The following ERAP2 variants were observed in gnomAD, a reference collection of about 807,000 sequenced individuals.
The protein encoded by ERAP2 is leukocyte-derived arginine aminopeptidase.
In ERAP2, 118 loss-of-function variants were observed where a neutral mutation model predicts 111.1. The ratio of observed to expected loss-of-function variants is 1.06; its 90% CI spans 0.92 to 1.24. ERAP2 has a LOEUF of 1.24. Among genes scored for constraint, ERAP2 ranks in the 50% most tolerant of loss-of-function variants. The pLI is 0.00. For missense variants in ERAP2, 1,131 were observed against 1,125.8 expected (o/e 1.00, Z -0.07); for synonymous variants, 410 against 401.2 (o/e 1.02, Z -0.26).
At chr5:96,898,572 C>CAAA (rs770783071) in intron 9 of ERAP2, among the ~76,000 whole-genome samples, 41,762 of 93,670 alleles carry the variant, frequency 0.45, 8,494 homozygotes, top group East Asian at 0.52. Context: ...TACTAAAATA[C>CAAA]AAAAAAAAAA....
intron 1 of ERAP2, among the ~76,000 whole-genome samples, chr5:96,877,704 C>T (rs768288704): frequency 1.1e-4 from 16 of 151,416 alleles, no homozygotes; most frequent in Non-Finnish European, 1.8e-4. Context: ...GATTCCAAAG[C>T]CTCAGACCCA....
At chr5:96,900,907 C>T (rs1396261740) in intron 10 of ERAP2, among the ~76,000 whole-genome samples, 2 of 152,074 alleles carry the variant, frequency 1.3e-5, no homozygotes, top group East Asian at 3.9e-4. Flanking sequence ...TCAGGCAATT[C>T]GCCCACCTTG....
At chr5:96,916,456 C>CTT (rs745860227) in intron 18 of ERAP2, among the ~76,000 whole-genome samples, 990 of 97,602 alleles carry the variant, frequency 0.01, 12 homozygotes, top group African/African-American at 0.018. Flanking sequence ...TTCTAGTTAT[C>CTT]TTTTTTTTTT....
At position 96,896,085 on chromosome 5, in the gene ERAP2, A is replaced by G. The variant is rs527467958; in HGVS notation, c.1240-288A>G. On this transcript the variant is annotated intron_variant, in intron 7 of 18. Coordinates refer to ENST00000437043, the MANE Select transcript of ERAP2 (RefSeq NM_022350.5). The stretch of plus-strand genomic sequence containing the variant: ...AGGTCTAGGCACGTAACAAGTATTC[A>G]CTAAATGGAAACCATTATTTTATTT... Among the ~76,000 whole-genome samples the G allele has an allele frequency of 5.4e-4, 83 of 152,314 alleles. No homozygotes were observed. The South Asian group carries it at 0.017, about 32-fold the overall frequency.
chr5:96,881,315 TG>T, intron 2 of ERAP2: 1 of 425,704 alleles, frequency 2.3e-6, no homozygotes, highest in Admixed American at 2.5e-5. Context: ...GCCAGGCTAG[TG>T]GCAGTGCTTA....
At chr5:96,892,082 C>T (rs187861975) in intron 5 of ERAP2, among the ~76,000 whole-genome samples, 153 of 152,298 alleles carry the variant, frequency 1.0e-3, no homozygotes, top group Non-Finnish European at 1.7e-3. Context: ...GTTACTTCAT[C>T]TACAAAACTC....
chr5:96,892,649 C>T (rs913127261), intron 6 of ERAP2, among the ~76,000 whole-genome samples, 196 bp downstream of exon 6: 3 of 152,108 alleles, frequency 2.0e-5, no homozygotes, highest in East Asian at 1.9e-4. Context: ...AATTTTATTA[C>T]GAGAAGTAGC....
In ERAP2 at chr5:96,879,738, T is replaced by C; in HGVS notation, c.53T>C (p.Ile18Thr). 1.2e-6 allele frequency: 2 copies of C among 1,614,208 alleles called. No individual in the cohort carries two copies. The highest frequency in any genetic ancestry group is 1.7e-6 in the Non-Finnish European group (2 of 1,180,018). Reference sequence around the variant, plus strand: ...TCACACAGAAAACCAATGTTTAACATTCACAGAGGATTTTACTGCTTAACA... The same window carrying C: ...TCACACAGAAAACCAATGTTTAACACTCACAGAGGATTTTACTGCTTAACA... The part of the protein sequence containing the change: ...VNSHRKPMFN[I>T]HRGFYCLTAI... Residue 18 changes from isoleucine to threonine, a missense_variant, in exon 2 of 19, where the codon ATT becomes ACT. This residue lies in a region of ERAP2 where 847 missense variants were observed against 856.5 expected (regional missense o/e 0.99). Coordinates refer to ENST00000437043, the MANE Select transcript of ERAP2 (RefSeq NM_022350.5).
chr5:96,891,922 A>T (rs1784431430), intron 5 of ERAP2, among the ~76,000 whole-genome samples: 2 of 152,160 alleles, frequency 1.3e-5, no homozygotes, highest in African/African-American at 4.8e-5. Flanking sequence ...ACATATTAGA[A>T]ATTATTTGAT....
intron 16 of ERAP2, among the ~76,000 whole-genome samples, chr5:96,913,089 A>C (rs1786984022): frequency 6.6e-6 from 1 of 152,222 alleles, no homozygotes; most frequent in South Asian, 2.1e-4. Context: ...AAGATGTGTA[A>C]ATGATGCTAA....
intron 13 of ERAP2, among the ~76,000 whole-genome samples, chr5:96,908,267 C>T (rs1161443168): frequency 6.6e-6 from 1 of 152,176 alleles, no homozygotes; most frequent in African/African-American, 2.4e-5. Context: ...CAGAAACACA[C>T]CTGAGGAGCA....
At chr5:96,891,253 CAA>C (rs1784317488) in intron 5 of ERAP2, among the ~76,000 whole-genome samples, 1 of 151,634 alleles carries the variant, frequency 6.6e-6, no homozygotes, top group Non-Finnish European at 1.5e-5. Flanking sequence ...TAGCAGAACT[CAA>C]AGACTAAATA....
intron 6 of ERAP2, 65 bp downstream of exon 6, chr5:96,892,518 A>G: frequency 4.5e-6 from 7 of 1,572,226 alleles, no homozygotes; most frequent in Non-Finnish European, 6.1e-6. Flanking sequence ...AACACGACCA[A>G]TCTTCCTGAA....
intron 2 of ERAP2, chr5:96,881,484 A>G (rs896349353): frequency 2.2e-6 from 1 of 456,190 alleles, no homozygotes. Flanking sequence ...CTGGGAGGTA[A>G]GAGGAGTCTG....
In ERAP2 at chr5:96,913,306, T is replaced by C; in HGVS notation, c.2517-11T>C. On this transcript the variant is annotated splice_polypyrimidine_tract_variant and intron_variant, in intron 16 of 18. Coordinates refer to ENST00000437043, the MANE Select transcript of ERAP2 (RefSeq NM_022350.5). ...CTACTATTTAGAAACAAATTATTTT[T>C]CTTTCTTCAGGTTAATTGAACTAGG... The C allele has an allele frequency of 1.9e-6, 3 of 1,611,052 alleles. No individual in the cohort carries two copies. The highest frequency in any genetic ancestry group is 1.3e-5 in the African/African-American group (1 of 74,882).
Position 96,908,983 on chromosome 5 carries a change from A to C in ERAP2, c.2035A>C (p.Lys679Gln). ...LVGAGRLTLD[K>Q]ALDMTYYLQH... ...CAGTGCAGGGAGACTGACCCTAGAC[A>C]AAGCTCTTGACATGACTTACTACCT... Residue 679 changes from lysine (K) to glutamine (Q), a missense_variant, in exon 14 of 19, where the codon AAA becomes CAA. Physicochemically the swap from Lys to Gln is moderately conservative, Grantham distance 53. Around this residue, in one of 3 missense-constraint regions of ERAP2, gnomAD observed 847 missense variants for 856.5 expected, o/e 0.99. Coordinates refer to ENST00000437043, the MANE Select transcript of ERAP2 (RefSeq NM_022350.5). 6.2e-7 allele frequency: 1 copy of C among 1,614,184 alleles called. No homozygotes were observed. The highest frequency in any genetic ancestry group is 8.5e-7 in the Non-Finnish European group (1 of 1,180,008).
At chr5:96,882,036 G>A (rs2151118713) in intron 2 of ERAP2, among the ~76,000 whole-genome samples, 1 of 152,176 alleles carries the variant, frequency 6.6e-6, no homozygotes, top group South Asian at 2.1e-4. Context: ...TTCCCCACTT[G>A]GGTGCTCACT....
At position 96,896,847 on chromosome 5, in the gene ERAP2, G is replaced by A; in HGVS notation, c.1487G>A (p.Trp496Ter). ...AGAAATGCTAAGAATGATGACTTGT[G>A]GAGCAGTCTGTCAAATGTAAGTCAT... ...SYRNAKNDDL[W>*]SSLSNSCLES... The change falls in exon 9 of 19, where the codon TGG (tryptophan) becomes TAG (stop). Residue 496 changes from tryptophan (W) to a stop codon, truncating the protein, a stop_gained. Coordinates refer to ENST00000437043, the MANE Select transcript of ERAP2 (RefSeq NM_022350.5). LOFTEE classifies it high-confidence loss of function. 1 of 1,100,502 alleles carries A rather than the reference G, an allele frequency of 9.1e-7. No homozygotes were observed. Among genetic ancestry groups the A allele is most frequent in the Non-Finnish European group, 1.2e-6 (1 of 866,272 alleles). 68.2% of individuals were successfully genotyped at this position (1,100,502 alleles called of 1,614,324 possible).
chr5:96,894,105 T>C (rs1232101731), intron 6 of ERAP2, among the ~76,000 whole-genome samples: 1 of 152,230 alleles, frequency 6.6e-6, no homozygotes, highest in Non-Finnish European at 1.5e-5. Flanking sequence ...ATCATTTGTA[T>C]TGAGGCAGTG....
Sources: allele counts gnomAD v4.1 joint callset (sites outside exome capture counted in the v4.1 genomes callset), GRCh38; gene constraint gnomAD v4.1.1; regional missense constraint gnomAD v4.1.1; transcripts MANE v1.5; gene names NCBI Gene and HGNC (gene_info 2026-07-23, HGNC 2026-07-21).